Variants in CTDSPL2 observed in about 807,000 individuals in gnomAD.
CTDSPL2 encodes CTD small phosphatase-like protein 2.
A neutral mutation model predicts 60.0 loss-of-function variants in CTDSPL2; 5 were observed. The observed-to-expected ratio is 0.08, with a 90% CI of 0.04 to 0.18. The LOEUF (loss-of-function observed/expected upper bound fraction) is 0.18, where lower values mean the gene tolerates loss of function less well. Ranked by LOEUF, CTDSPL2 falls within the 10% of genes least tolerant of loss-of-function variation. CTDSPL2 has a pLI of 1.00. For synonymous variants in CTDSPL2, 186 were observed against 189.3 expected, an observed-to-expected ratio of 0.98 and a Z score of 0.14; for missense variants, 370 against 548.8, an observed-to-expected ratio of 0.67 and a Z score of 3.26.
intron 1 of CTDSPL2, among the ~76,000 whole-genome samples, chr15:44,457,466 A>T (rs532821833): frequency 6.6e-6 from 1 of 152,218 alleles, no homozygotes; most frequent in South Asian, 2.1e-4. Flanking sequence ...TCACCTCTGG[A>T]TTAGCTTTGG....
At chr15:44,504,425 G>C (rs936704266) in intron 8 of CTDSPL2, among the ~76,000 whole-genome samples, 7 of 152,290 alleles carry the variant, frequency 4.6e-5, no homozygotes, top group African/African-American at 1.7e-4. Context: ...TTCTAGAAAA[G>C]TCAGCTTTAT....
chr15:44,515,875 A>T (rs187589869), intron 10 of CTDSPL2, among the ~76,000 whole-genome samples: 1 of 151,986 alleles, frequency 6.6e-6, no homozygotes, highest in East Asian at 1.9e-4. Context: ...CTCCATCTCA[A>T]AAAAAAAGAC....
intron 1 of CTDSPL2, among the ~76,000 whole-genome samples, chr15:44,444,302 TACACACACACACACAC>T (rs59993417): frequency 5.9e-5 from 8 of 136,280 alleles, no homozygotes; most frequent in South Asian, 2.4e-4. Flanking sequence ...GCTTTTCCCA[TACACACACACACACAC>T]ACACACACAC....
At position 44,490,944 on chromosome 15, in the gene CTDSPL2, C is replaced by T; in HGVS notation, c.636C>T (p.Asn212=). 1 of 1,614,066 alleles carries T rather than the reference C, an allele frequency of 6.2e-7. No homozygotes were observed. The highest frequency in any genetic ancestry group is 8.5e-7 in the Non-Finnish European group (1 of 1,179,998). Residue 212 remains asparagine (N), a synonymous_variant, in exon 5 of 13, where the codon AAC becomes AAT. Coordinates refer to ENST00000260327, the MANE Select transcript of CTDSPL2 (RefSeq NM_016396.3). ...CAGTTCAAGTGAGACCATCACTAAACAATGGTTTAGAAGAAGCAGAAGAAA... is the reference window on the plus strand; with the variant it reads ...CAGTTCAAGTGAGACCATCACTAAATAATGGTTTAGAAGAAGCAGAAGAAA... ...NQAVQVRPSL[N]NGLEEAEETV...
At chr15:44,519,387 G>T (rs1488104654) in intron 11 of CTDSPL2, 92 bp downstream of exon 11, 10 of 1,054,296 alleles carry the variant, frequency 9.5e-6, no homozygotes, top group Non-Finnish European at 8.1e-6. Flanking sequence ...AAGAAGAAGA[G>T]AATTTTCACT....
At chr15:44,449,372 T>G (rs78538513) in intron 1 of CTDSPL2, 17,746 of 155,620 alleles carry the variant, frequency 0.11, 2,152 homozygotes, top group African/African-American at 0.29. Context: ...CCAGGCTGTA[T>G]TGCAGTGGCA....
At chr15:44,439,453 C>T (rs932114130) in intron 1 of CTDSPL2, among the ~76,000 whole-genome samples, 5 of 151,904 alleles carry the variant, frequency 3.3e-5, no homozygotes, top group Admixed American at 2.6e-4. Flanking sequence ...GCCACCGCGC[C>T]TTATTTGTTC....
chr15:44,433,716 G>A (rs2079911685), intron 1 of CTDSPL2, among the ~76,000 whole-genome samples: 2 of 151,870 alleles, frequency 1.3e-5, no homozygotes, highest in African/African-American at 4.8e-5. Flanking sequence ...TGTCACCCAG[G>A]CTGGAGTGCA....
intron 2 of CTDSPL2, among the ~76,000 whole-genome samples, chr15:44,479,124 C>G (rs906004176): frequency 1.3e-5 from 2 of 150,810 alleles, no homozygotes; most frequent in Admixed American, 6.6e-5. Context: ...TGCTGGCCAT[C>G]AGCTATAGTC....
chr15:44,505,845 A>G (rs981776068), intron 8 of CTDSPL2, among the ~76,000 whole-genome samples: 2 of 151,968 alleles, frequency 1.3e-5, no homozygotes, highest in Non-Finnish European at 2.9e-5. Flanking sequence ...TGGAGGCTTC[A>G]TTTCCTTTGA....
intron 1 of CTDSPL2, among the ~76,000 whole-genome samples, chr15:44,440,900 G>C (rs2080072185): frequency 6.6e-6 from 1 of 152,244 alleles, no homozygotes; most frequent in South Asian, 2.1e-4. Flanking sequence ...TTGTTGCAGA[G>C]GGTACCTTAA....
At chr15:44,437,569 T>C (rs1261179011) in intron 1 of CTDSPL2, among the ~76,000 whole-genome samples, 1 of 152,218 alleles carries the variant, frequency 6.6e-6, no homozygotes, top group African/African-American at 2.4e-5. Flanking sequence ...TAAGTATTGA[T>C]GTGAAGATTG....
rs1165006555 is a variant in CTDSPL2 at position 44,499,819 on chromosome 15, T to C, written c.969+6T>C. ...TCCAAGATGTCATTTATCAGGTAAT[T>C]AAAATTTTTTTGATGATTTTTGGCC... On this transcript the variant is annotated splice_donor_region_variant and intron_variant, in intron 8 of 12. Coordinates refer to ENST00000260327, the MANE Select transcript of CTDSPL2 (RefSeq NM_016396.3). 6.3e-7 allele frequency: 1 copy of C among 1,578,546 alleles called. No homozygotes were observed. The highest frequency in any genetic ancestry group is 8.7e-7 in the Non-Finnish European group (1 of 1,152,950).
intron 5 of CTDSPL2, among the ~76,000 whole-genome samples, chr15:44,494,663 A>G (rs754387000): frequency 2.3e-4 from 35 of 151,840 alleles, no homozygotes; most frequent in Non-Finnish European, 4.6e-4. Context: ...TAGTCCCTGC[A>G]CTTTGCGAGG....
At chr15:44,487,853 T>C (rs2081147722) in intron 4 of CTDSPL2, among the ~76,000 whole-genome samples, 1 of 152,182 alleles carries the variant, frequency 6.6e-6, no homozygotes, top group East Asian at 1.9e-4. Flanking sequence ...CCGTGGCTTA[T>C]ACCTGTAATC....
Position 44,477,857 on chromosome 15 carries a change from A to C in CTDSPL2, c.187-6367A>C, listed in dbSNP as rs139202008. Among the ~76,000 whole-genome samples the C allele has an allele frequency of 4.7e-4, 71 of 152,242 alleles. 2 individuals are homozygous for C. The East Asian group carries it at 0.013, about 29-fold the overall frequency. ...TAGTCTCAAAAAAAAAAAAATACTT[A>C]ACACAAAGATATTTTATATGTATTC... On this transcript the variant is annotated intron_variant, in intron 2 of 12. Coordinates refer to ENST00000260327, the MANE Select transcript of CTDSPL2 (RefSeq NM_016396.3).
At chr15:44,437,436 T>A (rs1295334178) in intron 1 of CTDSPL2, among the ~76,000 whole-genome samples, 1 of 152,202 alleles carries the variant, frequency 6.6e-6, no homozygotes, top group Non-Finnish European at 1.5e-5. Context: ...TACAAGGCAA[T>A]TTGAAACCAT....
In CTDSPL2 at chr15:44,459,219, A is replaced by C. The variant is rs751874157; in HGVS notation, c.186+19A>C. ...ACCTAAGGTAATGATTTTACCATATACTTTCATATCATTAAAAGTGAAAAT... is the reference window on the plus strand; with the variant it reads ...ACCTAAGGTAATGATTTTACCATATCCTTTCATATCATTAAAAGTGAAAAT... On this transcript the variant is annotated intron_variant, in intron 2 of 12. Coordinates refer to ENST00000260327, the MANE Select transcript of CTDSPL2 (RefSeq NM_016396.3). 1.9e-5 allele frequency: 29 copies of C among 1,558,148 alleles called. No individual in the cohort carries two copies. Among genetic ancestry groups the C allele is most frequent in the Non-Finnish European group, 2.4e-5 (28 of 1,149,274 alleles).
intron 2 of CTDSPL2, among the ~76,000 whole-genome samples, chr15:44,473,102 T>C (rs1009985351): frequency 3.3e-5 from 5 of 151,466 alleles, no homozygotes; most frequent in Non-Finnish European, 7.4e-5. Flanking sequence ...CAGCCATGAG[T>C]TCTTGATATA....
Sources: allele counts gnomAD v4.1 joint callset (sites outside exome capture counted in the v4.1 genomes callset), GRCh38; gene constraint gnomAD v4.1.1; transcripts MANE v1.5; gene names NCBI Gene and HGNC (gene_info 2026-07-23, HGNC 2026-07-21).